The following FMNL2 variants were observed in gnomAD, a reference collection of about 807,000 sequenced individuals.
FMNL2 encodes formin-like protein 2.
Under a neutral mutation model 130.2 loss-of-function variants are expected in FMNL2, and 51 were observed. The observed-to-expected ratio is 0.39, with a 90% CI of 0.31 to 0.49. The LOEUF is 0.49. Among genes scored for constraint, FMNL2 ranks in the 20% least tolerant of loss-of-function variants. FMNL2 has a pLI of 0.85. For synonymous variants in FMNL2, 465 were observed against 467.1 expected, an observed-to-expected ratio of 1.00 and a Z score of 0.06; for missense variants, 977 against 1,316.2, an observed-to-expected ratio of 0.74 and a Z score of 3.99.
At chr2:152,455,086 G>A (rs1688876663) in intron 1 of FMNL2, among the ~76,000 whole-genome samples, 1 of 152,150 alleles carries the variant, frequency 6.6e-6, no homozygotes, top group Non-Finnish European at 1.5e-5. Context: ...GGCCTCAGAG[G>A]TTTTCTTTTC....
intron 1 of FMNL2, among the ~76,000 whole-genome samples, chr2:152,374,185 G>A (rs1684039720): frequency 2.0e-5 from 3 of 152,016 alleles, no homozygotes; most frequent in South Asian, 2.1e-4. Context: ...CAGGTGTAGC[G>A]TTAAAAGAGA....
chr2:152,450,409 G>A (rs1316102474), intron 1 of FMNL2, among the ~76,000 whole-genome samples: 2 of 152,140 alleles, frequency 1.3e-5, no homozygotes, highest in African/African-American at 4.8e-5. Flanking sequence ...AGTACCTTCA[G>A]GTACTAAAGG....
chr2:152,549,327 G>A (rs1431486070), intron 4 of FMNL2, among the ~76,000 whole-genome samples: 2 of 152,322 alleles, frequency 1.3e-5, no homozygotes, highest in East Asian at 3.9e-4. Flanking sequence ...ATTTCTTTGA[G>A]CGGGTGCAGT....
At chr2:152,349,364 T>C (rs1206041462) in intron 1 of FMNL2, among the ~76,000 whole-genome samples, 1 of 152,228 alleles carries the variant, frequency 6.6e-6, no homozygotes, top group African/African-American at 2.4e-5. Flanking sequence ...AGGTATTGTC[T>C]TCCTTTTACT....
At chr2:152,587,346 G>A (rs917680763) in intron 9 of FMNL2, among the ~76,000 whole-genome samples, 16 of 152,194 alleles carry the variant, frequency 1.1e-4, no homozygotes, top group Non-Finnish European at 1.8e-4. Context: ...CAGAACATGT[G>A]GGGTGGGAGA....
intron 1 of FMNL2, among the ~76,000 whole-genome samples, chr2:152,460,043 G>GT (rs1689157416): frequency 1.3e-5 from 2 of 152,272 alleles, no homozygotes; most frequent in Admixed American, 1.3e-4. Context: ...TAATAACAGT[G>GT]TTTGAGTCAA....
At chr2:152,348,525 A>C (rs1452582513) in intron 1 of FMNL2, among the ~76,000 whole-genome samples, 1 of 152,208 alleles carries the variant, frequency 6.6e-6, no homozygotes, top group African/African-American at 2.4e-5. Context: ...TATTAATTGC[A>C]CATAACTTGC....
At chr2:152,532,099 A>G (rs1242633031) in intron 2 of FMNL2, among the ~76,000 whole-genome samples, 3 of 152,166 alleles carry the variant, frequency 2.0e-5, no homozygotes, top group Non-Finnish European at 4.4e-5. Context: ...TGAAATAGTA[A>G]AACTAAGGTT....
intron 1 of FMNL2, among the ~76,000 whole-genome samples, chr2:152,519,485 C>T (rs1201957600): frequency 1.3e-5 from 2 of 152,188 alleles, no homozygotes; most frequent in East Asian, 3.8e-4. Flanking sequence ...TGTGTAATTC[C>T]TGTGGCGATG....
intron 1 of FMNL2, among the ~76,000 whole-genome samples, chr2:152,503,960 C>T (rs778433847): frequency 1.4e-4 from 21 of 152,254 alleles, no homozygotes; most frequent in Non-Finnish European, 2.2e-4. Context: ...GAGGCCGAGG[C>T]GGGTGGGTCA....
intron 1 of FMNL2, among the ~76,000 whole-genome samples, chr2:152,358,444 G>A (rs1266899066): frequency 1.3e-5 from 2 of 152,096 alleles, no homozygotes; most frequent in African/African-American, 4.8e-5. Context: ...GAGGTCAGGA[G>A]TTTGAGACCA....
chr2:152,549,214 GT>G, intron 4 of FMNL2, 117 bp downstream of exon 4: 1 of 633,404 alleles, frequency 1.6e-6, no homozygotes, highest in Non-Finnish European at 2.5e-6. Flanking sequence ...AAAGACTGAG[GT>G]TTTAGTAGAT....
At position 152,649,180 on chromosome 2, in the gene FMNL2, T is replaced by C. The variant is rs1292717044; in HGVS notation, c.*1275T>C. 2 of 152,658 alleles carry C rather than the reference T, an allele frequency of 1.3e-5. No individual in the cohort carries two copies. The highest frequency in any genetic ancestry group is 2.9e-5 in the Non-Finnish European group (2 of 68,044). The allele number at this position is 152,658 out of a possible 1,614,324, so 9.5% of individuals were successfully genotyped here. On this transcript the variant is annotated 3_prime_UTR_variant, in exon 26 of 26. Coordinates refer to ENST00000288670, the MANE Select transcript of FMNL2 (RefSeq NM_052905.4). ...TGTTGTGCTTATGTGAACCCCTTGGTGAAGGTCCCTTTTCCTTGGATGTGT... is the reference window on the plus strand; with the variant it reads ...TGTTGTGCTTATGTGAACCCCTTGGCGAAGGTCCCTTTTCCTTGGATGTGT...
chr2:152,515,777 A>G (rs551612289), intron 1 of FMNL2, among the ~76,000 whole-genome samples: 28 of 152,330 alleles, frequency 1.8e-4, no homozygotes, highest in African/African-American at 6.5e-4. Flanking sequence ...ACTAAATTGG[A>G]TAATGCATGC....
intron 5 of FMNL2, among the ~76,000 whole-genome samples, chr2:152,559,216 G>A (rs1579960408): frequency 6.6e-6 from 1 of 152,194 alleles, no homozygotes; most frequent in South Asian, 2.1e-4. Flanking sequence ...GCATATGCTA[G>A]TAAGTGCATA....
At chr2:152,363,270 T>G (rs1683288226) in intron 1 of FMNL2, among the ~76,000 whole-genome samples, 1 of 152,222 alleles carries the variant, frequency 6.6e-6, no homozygotes, top group East Asian at 1.9e-4. Context: ...TCTGAAAACC[T>G]TTTGTTTCAA....
At chr2:152,393,751 C>T (rs1448349128) in intron 1 of FMNL2, among the ~76,000 whole-genome samples, 7 of 152,176 alleles carry the variant, frequency 4.6e-5, no homozygotes, top group African/African-American at 9.7e-5. Context: ...TGTAGTAGGT[C>T]AGAGGTTAGC....
chr2:152,356,243 C>T (rs1347450800), intron 1 of FMNL2, among the ~76,000 whole-genome samples: 3 of 152,194 alleles, frequency 2.0e-5, no homozygotes, highest in African/African-American at 7.2e-5. Flanking sequence ...CTGTCTCAGC[C>T]TTCCGAGTAG....
intron 6 of FMNL2, among the ~76,000 whole-genome samples, chr2:152,568,287 C>G (rs1206368353): frequency 7.4e-6 from 1 of 134,904 alleles, no homozygotes; most frequent in African/African-American, 2.9e-5. Flanking sequence ...GTGATCTCGG[C>G]TCACTGCAAC....
Sources: allele counts gnomAD v4.1 joint callset (sites outside exome capture counted in the v4.1 genomes callset), GRCh38; gene constraint gnomAD v4.1.1; transcripts MANE v1.5; gene names NCBI Gene and HGNC (gene_info 2026-07-23, HGNC 2026-07-21).